The following C1GALT1 variants were observed in gnomAD, a reference collection of about 807,000 sequenced individuals.
C1GALT1 encodes glycoprotein-N-acetylgalactosamine 3-beta-galactosyltransferase 1.
A neutral mutation model predicts 31.0 loss-of-function variants in C1GALT1; 11 were observed. The observed-to-expected ratio is 0.36, with a 90% CI of 0.22 to 0.59. The LOEUF (loss-of-function observed/expected upper bound fraction) is 0.59. C1GALT1 is among the 20% of genes least tolerant of loss of function. C1GALT1 has a pLI of 0.79. For synonymous variants in C1GALT1, 175 were observed against 143.6 expected (o/e 1.22, Z -1.56); for missense variants, 424 against 425.2 (o/e 1.00, Z 0.03).
chr7:7,227,902 G>A (rs919166705), intron 1 of C1GALT1, among the ~76,000 whole-genome samples: 31 of 152,286 alleles, frequency 2.0e-4, no homozygotes, highest in Admixed American at 1.6e-3. Context: ...GTAACTGTAA[G>A]AAATAAATGC....
At chr7:7,234,855 T>A in intron 2 of C1GALT1, 1 of 179,460 alleles carries the variant, frequency 5.6e-6, no homozygotes, top group Non-Finnish European at 1.2e-5. Context: ...TTGGTTTTTG[T>A]TACTTGTTTT....
At chr7:7,212,359 C>A (rs1371212357) in intron 1 of C1GALT1, among the ~76,000 whole-genome samples, 1 of 152,144 alleles carries the variant, frequency 6.6e-6, no homozygotes, top group African/African-American at 2.4e-5. Context: ...GGAAACACAC[C>A]CTTTCAGTCA....
At chr7:7,197,564 TCC>T (rs957279122) in intron 1 of C1GALT1, among the ~76,000 whole-genome samples, 26 of 152,338 alleles carry the variant, frequency 1.7e-4, no homozygotes, top group African/African-American at 6.3e-4. Context: ...AGTAGCTTTT[TCC>T]AATTCTGTGA....
intron 2 of C1GALT1, among the ~76,000 whole-genome samples, chr7:7,165,405 T>C (rs969265780): frequency 2.0e-5 from 3 of 152,204 alleles, no homozygotes; most frequent in Admixed American, 2.0e-4. Context: ...TGTGAATGCA[T>C]CACTCTATTT....
chr7:7,158,298 C>G (rs1383389674), intron 2 of C1GALT1, among the ~76,000 whole-genome samples: 1 of 152,102 alleles, frequency 6.6e-6, no homozygotes, highest in East Asian at 1.9e-4. Context: ...TGACTCTGTT[C>G]TGTCTAATTC....
At chr7:7,204,408 G>A (rs1183402375) in intron 1 of C1GALT1, among the ~76,000 whole-genome samples, 1 of 151,804 alleles carries the variant, frequency 6.6e-6, no homozygotes, top group Non-Finnish European at 1.5e-5. Context: ...GAAACTATTA[G>A]CAATGCCCTA....
intron 1 of C1GALT1, among the ~76,000 whole-genome samples, chr7:7,212,542 G>A (rs536417303): frequency 2.0e-4 from 30 of 152,278 alleles, no homozygotes; most frequent in African/African-American, 6.0e-4. Context: ...ACTTATGTCC[G>A]TATAAGAGAC....
chr7:7,161,424 C>A (rs1231520342), intron 2 of C1GALT1, among the ~76,000 whole-genome samples: 1 of 151,948 alleles, frequency 6.6e-6, no homozygotes, highest in East Asian at 1.9e-4. Flanking sequence ...AAATTTGTTG[C>A]CAAGGGACTA....
chr7:7,215,335 A>T (rs1356991253), intron 1 of C1GALT1, among the ~76,000 whole-genome samples: 1 of 152,194 alleles, frequency 6.6e-6, no homozygotes, highest in Non-Finnish European at 1.5e-5. Flanking sequence ...CTTCTTCATT[A>T]ATTATAAATT....
At chr7:7,176,792 A>G (rs1780510238) in intron 2 of C1GALT1, among the ~76,000 whole-genome samples, 1 of 152,230 alleles carries the variant, frequency 6.6e-6, no homozygotes, top group Non-Finnish European at 1.5e-5. Context: ...AATTTTGTAA[A>G]GATGTAGCTA....
At chr7:7,226,997 CAATA>C (rs1782794688) in intron 1 of C1GALT1, among the ~76,000 whole-genome samples, 1 of 152,100 alleles carries the variant, frequency 6.6e-6, no homozygotes, top group Non-Finnish European at 1.5e-5. Context: ...AGCAAGAAAT[CAATA>C]GATAGTGCCT....
chr7:7,206,063 C>T (rs1343199923), intron 1 of C1GALT1, among the ~76,000 whole-genome samples: 1 of 152,068 alleles, frequency 6.6e-6, no homozygotes, highest in East Asian at 1.9e-4. Flanking sequence ...TTAAAAATTA[C>T]AATATTTATA....
intron 2 of C1GALT1, among the ~76,000 whole-genome samples, chr7:7,161,443 G>A (rs1780332798): frequency 6.6e-6 from 1 of 152,042 alleles, no homozygotes; most frequent in Non-Finnish European, 1.5e-5. Flanking sequence ...TAAAAAATGT[G>A]GCAATAAATG....
chr7:7,245,923 T>C lies in C1GALT1; in HGVS notation c.*2196T>C, dbSNP rs1783827054. 6.6e-6 allele frequency: 1 copy of C among 152,204 alleles called. No individual in the cohort carries two copies. The highest frequency in any genetic ancestry group is 1.5e-5 in the Non-Finnish European group (1 of 68,034). The allele number at this position is 152,204 out of a possible 1,614,324, so 9.4% of individuals were successfully genotyped here. On this transcript the variant is annotated 3_prime_UTR_variant, in exon 4 of 4. Transcript: ENST00000436587. Reference sequence around the variant, plus strand: ...CTCATCTTTTAATTAGGGATGATAATACTACCTACCTCACAGGATTTTTAT... The same window carrying C: ...CTCATCTTTTAATTAGGGATGATAACACTACCTACCTCACAGGATTTTTAT...
At chr7:7,240,309 G>C (rs1417285682) in intron 3 of C1GALT1, among the ~76,000 whole-genome samples, 2 of 152,154 alleles carry the variant, frequency 1.3e-5, no homozygotes, top group Admixed American at 1.3e-4. Context: ...AATTACTCTA[G>C]CCCAAAATGT....
intron 1 of C1GALT1, among the ~76,000 whole-genome samples, chr7:7,226,015 A>C (rs923021336): frequency 6.6e-6 from 1 of 152,186 alleles, no homozygotes; most frequent in Admixed American, 6.5e-5. Context: ...GTTTGGGTCC[A>C]TTTAATTAAC....
chr7:7,165,319 G>A (rs762692827), intron 2 of C1GALT1, among the ~76,000 whole-genome samples: 20 of 152,154 alleles, frequency 1.3e-4, no homozygotes, highest in African/African-American at 4.8e-4. Context: ...AATAAAGCAC[G>A]CATCTAGGAG....
intron 1 of C1GALT1, among the ~76,000 whole-genome samples, chr7:7,219,037 C>T (rs1468096688): frequency 6.6e-6 from 1 of 152,050 alleles, no homozygotes; most frequent in Non-Finnish European, 1.5e-5. Flanking sequence ...CAGGGTTTCA[C>T]CATGTTAGCC....
At chr7:7,199,764 T>G (rs558367840) in intron 1 of C1GALT1, among the ~76,000 whole-genome samples, 4 of 152,246 alleles carry the variant, frequency 2.6e-5, no homozygotes, top group Admixed American at 2.6e-4. Context: ...TTAGCTCTTT[T>G]TGTTGAATTG....
Sources: allele counts gnomAD v4.1 joint callset (sites outside exome capture counted in the v4.1 genomes callset), GRCh38; gene constraint gnomAD v4.1.1; transcripts MANE v1.5; gene names NCBI Gene and HGNC (gene_info 2026-07-23, HGNC 2026-07-21).